The following TRAPPC13 variants were observed in gnomAD, a reference collection of about 807,000 sequenced individuals.
TRAPPC13 encodes the protein trafficking protein particle complex subunit 13, also known as REV7-interacting novel NHEJ regulator 1.
A neutral mutation model predicts 54.0 loss-of-function variants in TRAPPC13; 39 were observed. The observed-to-expected ratio is 0.72, with a 90% CI of 0.56 to 0.94. TRAPPC13 has a LOEUF of 0.94. TRAPPC13 is among the 40% of genes least tolerant of loss of function. TRAPPC13 has a pLI of 0.00. For missense variants in TRAPPC13, 386 were observed against 488.1 expected (o/e 0.79, Z 1.97); for synonymous variants, 148 against 167.7 (o/e 0.88, Z 0.91).
Position 65,650,870 on chromosome 5 carries a change from C to A in TRAPPC13, c.489C>A (p.Phe163Leu). The A allele has an allele frequency of 6.2e-7, 1 of 1,611,914 alleles. No individual in the cohort carries two copies. The highest frequency in any genetic ancestry group is 8.5e-7 in the Non-Finnish European group (1 of 1,178,432). ...QAGEKMYFRK[F>L]FKFQVLKPLD... ...GAGAAAAAATGTATTTCAGAAAATT[C>A]TTCAAATTTCAGGTATTGAATATGA... The change falls in exon 6 of 13, where the codon TTC becomes TTA. Residue 163 changes from phenylalanine to leucine, a missense_variant. Coordinates refer to ENST00000399438, the MANE Select transcript of TRAPPC13 (RefSeq NM_024941.4).
intron 4 of TRAPPC13, among the ~76,000 whole-genome samples, chr5:65,645,245 A>T (rs1756141759): frequency 6.6e-6 from 1 of 151,438 alleles, no homozygotes; most frequent in Non-Finnish European, 1.5e-5. Flanking sequence ...ATTACTTATG[A>T]ATTGTATAAC....
At chr5:65,630,424 A>G (rs1283589550) in intron 1 of TRAPPC13, 1 of 1,404,438 alleles carries the variant, frequency 7.1e-7, no homozygotes, top group Non-Finnish European at 9.2e-7. Context: ...ACAGGTTTTA[A>G]AATTTTTAAT....
At chr5:65,651,026 G>T in intron 6 of TRAPPC13, 144 bp downstream of exon 6, 4 of 622,646 alleles carry the variant, frequency 6.4e-6, no homozygotes, top group Non-Finnish European at 1.1e-5. Context: ...ATGACTAGCA[G>T]TCTAAACTCA....
rs547444212 is a variant in TRAPPC13 at position 65,663,404 on chromosome 5, TGTA to T, written c.999-830_999-828del. ...ATTTTTGTGAAATTAACAATATTCA[TGTA>T]GTGCATCCACCTTGGTCTCTGGCAC... On this transcript the variant is annotated intron_variant, in intron 11 of 12. Transcript: ENST00000399438. 1.2e-3 allele frequency: 187 copies of T among 152,290 alleles called. 2 individuals are homozygous for T. The highest frequency in any genetic ancestry group is 4.3e-3 in the African/African-American group (180 of 41,566). 9.4% of individuals were successfully genotyped at this position (152,290 alleles called of 1,614,324 possible).
intron 3 of TRAPPC13, among the ~76,000 whole-genome samples, chr5:65,636,811 A>G (rs1755766689): frequency 6.6e-6 from 1 of 152,312 alleles, no homozygotes; most frequent in African/African-American, 2.4e-5. Flanking sequence ...CTCTGTTTGC[A>G]ACAGACAGAA....
At chr5:65,643,595 G>C (rs1005294854) in intron 4 of TRAPPC13, among the ~76,000 whole-genome samples, 1 of 151,892 alleles carries the variant, frequency 6.6e-6, no homozygotes, top group African/African-American at 2.4e-5. Flanking sequence ...GAGGCGGGCG[G>C]ATCACAAGGT....
At chr5:65,632,738 TAGTAAATGCTC>T (rs1354609472) in intron 1 of TRAPPC13, among the ~76,000 whole-genome samples, 1 of 152,236 alleles carries the variant, frequency 6.6e-6, no homozygotes, top group Non-Finnish European at 1.5e-5. Context: ...TGCCTGGCGC[TAGTAAATGCTC>T]AGTAAATGCT....
chr5:65,654,822 T>A (rs27145), intron 7 of TRAPPC13, among the ~76,000 whole-genome samples: 91,170 of 152,002 alleles, frequency 0.6, 27,673 homozygotes, highest in South Asian at 0.64. Flanking sequence ...AGAAGCTAGG[T>A]TTCAAACATT....
At chr5:65,661,208 A>G (rs571698604) in intron 10 of TRAPPC13, 27 of 198,622 alleles carry the variant, frequency 1.4e-4, no homozygotes, top group Non-Finnish European at 2.6e-4. Flanking sequence ...TTCCAAACAC[A>G]TTAAGGTTTT....
chr5:65,652,779 C>T, intron 7 of TRAPPC13: 1 of 539,206 alleles, frequency 1.9e-6, no homozygotes, highest in Non-Finnish European at 3.3e-6. Flanking sequence ...TTTTATAAGG[C>T]TTTCATCTCC....
intron 1 of TRAPPC13, among the ~76,000 whole-genome samples, chr5:65,631,173 C>T (rs1245562960): frequency 6.6e-6 from 1 of 151,860 alleles, no homozygotes; most frequent in Non-Finnish European, 1.5e-5. Flanking sequence ...GCTTACATGT[C>T]ATTACTACTA....
Position 65,637,706 on chromosome 5 carries a change from T to C in TRAPPC13, c.226T>C (p.Leu76=). 1 of 1,556,992 alleles carries C rather than the reference T, an allele frequency of 6.4e-7. No homozygotes were observed. Among genetic ancestry groups the C allele is most frequent in the Non-Finnish European group, 8.7e-7 (1 of 1,143,380 alleles). The change falls in exon 4 of 13, where the codon TTG becomes CTG. Residue 76 remains leucine (L), a synonymous_variant. Transcript: ENST00000399438. ...TATTTTATTTTACAGGAATATATTT[T>C]TGGGAGAGACCTTTTCCAGTTATAT... is the stretch of plus-strand genomic sequence containing the variant. ...TLPQNFGNIF[L]GETFSSYISV... is the part of the protein sequence containing the mutation.
intron 4 of TRAPPC13, among the ~76,000 whole-genome samples, chr5:65,645,893 C>T (rs775285611): frequency 6.6e-6 from 1 of 152,030 alleles, no homozygotes; most frequent in Non-Finnish European, 1.5e-5. Context: ...CACTAATTCC[C>T]ATGACCTAAT....
intron 1 of TRAPPC13, chr5:65,635,063 A>C: frequency 1.8e-6 from 1 of 562,426 alleles, no homozygotes; most frequent in South Asian, 8.0e-5. Context: ...TATTGTATTT[A>C]CATTTAATTT....
rs539367183 is a variant in TRAPPC13 at position 65,664,716 on chromosome 5, A to G, written c.*105A>G. On this transcript the variant is annotated 3_prime_UTR_variant, in exon 13 of 13. Transcript: ENST00000399438. ...ACAACGAAGTAAATATGTTACTTAA[A>G]TTTTCTTTCCTGTAAAATGGTTAAA... 1.0e-5 allele frequency: 8 copies of G among 785,302 alleles called. No individual in the cohort carries two copies. The East Asian group carries it at 1.9e-4, about 19-fold the overall frequency. The allele number at this position is 785,302 out of a possible 1,614,324, so 48.6% of individuals were successfully genotyped here.
At chr5:65,655,074 A>G (rs1326891417) in intron 7 of TRAPPC13, among the ~76,000 whole-genome samples, 1 of 152,222 alleles carries the variant, frequency 6.6e-6, no homozygotes, top group Non-Finnish European at 1.5e-5. Context: ...GAAGAAATAT[A>G]TAAGTTTTAA....
At chr5:65,647,930 G>A (rs574216064) in intron 5 of TRAPPC13, among the ~76,000 whole-genome samples, 82 of 152,152 alleles carry the variant, frequency 5.4e-4, no homozygotes, top group African/African-American at 1.9e-3. Flanking sequence ...ACTTTTTCAT[G>A]TATATTCTTT....
chr5:65,660,975 C>A, intron 10 of TRAPPC13, 78 bp downstream of exon 10: 1 of 1,233,730 alleles, frequency 8.1e-7, no homozygotes, highest in Non-Finnish European at 1.1e-6. Flanking sequence ...TTTTCTACAT[C>A]CAGCAGTAAA....
At chr5:65,638,006 C>T (rs897216418) in intron 4 of TRAPPC13, among the ~76,000 whole-genome samples, 1 of 151,136 alleles carries the variant, frequency 6.6e-6, no homozygotes, top group African/African-American at 2.4e-5. Flanking sequence ...GTAGTCCCAG[C>T]TACTCGGGAG....
Sources: gnomAD v4.1 joint callset for allele counts (sites outside exome capture counted in the v4.1 genomes callset) on GRCh38, gnomAD v4.1.1 for gene constraint, MANE v1.5 for transcripts, NCBI Gene and HGNC (gene_info 2026-07-23, HGNC 2026-07-21) for gene names.